DCP2: variants seen among roughly 807,000 people sequenced by gnomAD.
The protein encoded by DCP2 is decapping mRNA 2, also known as m7GpppN-mRNA hydrolase.
DCP2 carries 30 observed loss-of-function variants against 56.1 expected under a neutral mutation model. The observed-to-expected ratio is 0.53, with a 90% CI of 0.40 to 0.73. The LOEUF is 0.73. DCP2 is among the 30% of genes least tolerant of loss of function. DCP2 has a pLI of 0.00. For synonymous variants in DCP2, 197 were observed against 163.3 expected (o/e 1.21, Z -1.57); for missense variants, 533 against 502.7 (o/e 1.06, Z -0.58).
At chr5:112,987,585 T>A (rs989483944) in intron 2 of DCP2, among the ~76,000 whole-genome samples, 12 of 147,822 alleles carry the variant, frequency 8.1e-5, no homozygotes, top group African/African-American at 3.0e-4. Flanking sequence ...CCTGAGTAGC[T>A]GGGACTACAG....
chr5:113,013,600 T>C lies in DCP2; in HGVS notation c.*116T>C, dbSNP rs6892784. The C allele has an allele frequency of 0.19, 236,128 of 1,232,448 alleles. 23,913 individuals are homozygous for C. Among genetic ancestry groups the C allele is most frequent in the Non-Finnish European group, 0.22 (190,957 of 884,748 alleles). 76.3% of individuals were successfully genotyped at this position (1,232,448 alleles called of 1,614,324 possible). ...TAAAGAAATGCAGGGAGGCAATGTT[T>C]CTGAAGACATTTTCTGTTTATAAGA... On this transcript the variant is annotated 3_prime_UTR_variant, in exon 11 of 11. Transcript: ENST00000389063.
In DCP2 at chr5:112,998,398, C is replaced by T. The variant is rs1051738829; in HGVS notation, c.433-2686C>T. Reference sequence around the variant, plus strand: ...GGCTGCTGTCCATAACCAAAGAAGACCATCCCCCAACTCTCAAAGACGTCT... The same window carrying T: ...GGCTGCTGTCCATAACCAAAGAAGATCATCCCCCAACTCTCAAAGACGTCT... On this transcript the variant is annotated intron_variant, in intron 4 of 10. Coordinates refer to ENST00000389063, the MANE Select transcript of DCP2 (RefSeq NM_152624.6). 3.9e-5 allele frequency among the ~76,000 whole-genome samples: 6 copies of T among 152,192 alleles called. No individual in the cohort carries two copies. In the East Asian group the frequency reaches 5.8e-4, roughly 15 times the overall value.
chr5:113,006,864 G>T (rs1749462273), intron 8 of DCP2, among the ~76,000 whole-genome samples: 1 of 152,114 alleles, frequency 6.6e-6, no homozygotes, highest in African/African-American at 2.4e-5. Context: ...CGGGAACGTT[G>T]GCTCACACCT....
chr5:112,991,433 C>T (rs528584888), intron 2 of DCP2, among the ~76,000 whole-genome samples: 3 of 152,182 alleles, frequency 2.0e-5, no homozygotes, highest in Admixed American at 6.5e-5. Flanking sequence ...TTACACTGCC[C>T]AGTTTTGGGG....
In DCP2 at chr5:113,020,313, A is replaced by G. The variant is rs956850443; in HGVS notation, c.*6829A>G. The G allele has an allele frequency of 2.0e-5, 3 of 152,168 alleles. No individual in the cohort carries two copies. The highest frequency in any genetic ancestry group is 4.4e-5 in the Non-Finnish European group (3 of 68,016). 9.4% of individuals were successfully genotyped at this position (152,168 alleles called of 1,614,324 possible). A position where few individuals can be genotyped will look rare whatever the true frequency, so the allele number is the denominator to read the frequency against. ...ATGATTCAACCTTTAATTTTTGCCT[A>G]GATTATAGCAATGTTTTGTTTTACC... On this transcript the variant is annotated 3_prime_UTR_variant, in exon 11 of 11. Transcript: ENST00000389063.
chr5:112,999,204 T>G (rs1383656880), intron 4 of DCP2, among the ~76,000 whole-genome samples: 1 of 152,232 alleles, frequency 6.6e-6, no homozygotes, highest in African/African-American at 2.4e-5. Context: ...ATTATGCAGA[T>G]TCATATGACT....
At chr5:112,994,899 C>T (rs1450374749) in intron 4 of DCP2, among the ~76,000 whole-genome samples, 2 of 152,130 alleles carry the variant, frequency 1.3e-5, no homozygotes, top group African/African-American at 4.8e-5. Flanking sequence ...GAATTTAAGA[C>T]TGTTTGAAAT....
rs1561700564 is a variant in DCP2, at chr5:113,003,959, A to G, written c.824A>G (p.His275Arg). 1 of 1,614,154 alleles carries G rather than the reference A, an allele frequency of 6.2e-7. No individual in the cohort carries two copies. Among genetic ancestry groups the G allele is most frequent in the Non-Finnish European group, 8.5e-7 (1 of 1,180,008 alleles). Reference sequence around the variant, plus strand: ...TGGTGTAGTCGAACCAAATTCCGCCACAGTCAGCAGTTATTTCCTGACGGT... The same window carrying G: ...TGGTGTAGTCGAACCAAATTCCGCCGCAGTCAGCAGTTATTTCCTGACGGT... ...VEKLSRTKFR[H>R]SQQLFPDGSP... Residue 275 changes from histidine (H) to arginine (R), a missense_variant, in exon 8 of 11, where the codon CAC becomes CGC. Physicochemically the swap from His to Arg is conservative, Grantham distance 29. Transcript: ENST00000389063.
intron 4 of DCP2, among the ~76,000 whole-genome samples, chr5:112,994,006 A>G (rs972102931): frequency 6.6e-6 from 1 of 151,828 alleles, no homozygotes; most frequent in Non-Finnish European, 1.5e-5. Context: ...TATGTTGCCC[A>G]GGCTGGGTTT....
At chr5:112,979,311 C>T (rs545547276) in intron 1 of DCP2, among the ~76,000 whole-genome samples, 237 of 152,208 alleles carry the variant, frequency 1.6e-3, no homozygotes, top group Non-Finnish European at 2.9e-3. Flanking sequence ...AAATAAATGC[C>T]ATTTTCAAGT....
At chr5:112,989,514 G>A (rs1184056560) in intron 2 of DCP2, among the ~76,000 whole-genome samples, 1 of 152,038 alleles carries the variant, frequency 6.6e-6, no homozygotes, top group African/African-American at 2.4e-5. Context: ...AATGAAAAAA[G>A]TTACTGTATT....
intron 8 of DCP2, among the ~76,000 whole-genome samples, chr5:113,007,391 T>A (rs1462744257): frequency 2.0e-5 from 3 of 148,950 alleles, no homozygotes; most frequent in African/African-American, 7.5e-5. Context: ...TTTCTTTCTT[T>A]CTTTCTTTCT....
In DCP2 at chr5:112,987,054, A is replaced by G. The variant is rs910312661; in HGVS notation, c.205+1068A>G. Among the ~76,000 whole-genome samples the G allele has an allele frequency of 6.6e-5, 10 of 152,224 alleles. No homozygotes were observed. The South Asian group carries it at 1.0e-3, about 16-fold the overall frequency. The stretch of plus-strand genomic sequence containing the variant: ...CAGAGAAGCTTCTTTCCCCATGTAC[A>G]TATCAGGCAGAAACTTGTCGTGATT... On this transcript the variant is annotated intron_variant, in intron 2 of 10. Coordinates refer to ENST00000389063, the MANE Select transcript of DCP2 (RefSeq NM_152624.6).
intron 1 of DCP2, among the ~76,000 whole-genome samples, chr5:112,977,344 C>CT (rs1405579530): frequency 2.6e-5 from 4 of 152,200 alleles, no homozygotes; most frequent in African/African-American, 9.6e-5. Context: ...GCCTCTGTGA[C>CT]TTTTCCACGC....
In DCP2 at chr5:113,018,226, C is replaced by CT. The variant is rs1482603899; in HGVS notation, c.*4744dup. On this transcript the variant is annotated 3_prime_UTR_variant, in exon 11 of 11. Coordinates refer to ENST00000389063, the MANE Select transcript of DCP2 (RefSeq NM_152624.6). Reference sequence around the variant, plus strand: ...AGTTACTCTTATGCATGGGAGTGGGCTTAAAGGGTTGACTTCCACCAGCTG... The same window carrying CT: ...AGTTACTCTTATGCATGGGAGTGGGCTTTAAAGGGTTGACTTCCACCAGCTG... 1 of 152,110 alleles carries CT rather than the reference C, an allele frequency of 6.6e-6. No individual in the cohort carries two copies. Among genetic ancestry groups the CT allele is most frequent in the African/African-American group, 2.4e-5 (1 of 41,436 alleles). 9.4% of individuals were successfully genotyped at this position (152,110 alleles called of 1,614,324 possible). A position where few individuals can be genotyped will look rare whatever the true frequency, so the allele number is the denominator to read the frequency against.
chr5:112,977,212 G>C (rs1315615333), intron 1 of DCP2, among the ~76,000 whole-genome samples: 2 of 152,066 alleles, frequency 1.3e-5, no homozygotes, highest in African/African-American at 4.8e-5. Context: ...AGAACACCCG[G>C]AATTTCCTCA....
At position 113,019,181 on chromosome 5, in the gene DCP2, T is replaced by A; in HGVS notation, c.*5697T>A. 1 of 152,234 alleles carries A rather than the reference T, an allele frequency of 6.6e-6. No individual in the cohort carries two copies. Among genetic ancestry groups the A allele is most frequent in the East Asian group, 1.9e-4 (1 of 5,208 alleles). 9.4% of individuals were successfully genotyped at this position (152,234 alleles called of 1,614,324 possible). Reference sequence around the variant, plus strand: ...AGCACAAGTCTGCATTGTCATTTTTTAAGAGATTGGCAGGCATATCCTTTT... The same window carrying A: ...AGCACAAGTCTGCATTGTCATTTTTAAAGAGATTGGCAGGCATATCCTTTT... On this transcript the variant is annotated 3_prime_UTR_variant, in exon 11 of 11. Coordinates refer to ENST00000389063, the MANE Select transcript of DCP2 (RefSeq NM_152624.6).
chr5:113,000,926 T>C (rs1749147761), intron 4 of DCP2, among the ~76,000 whole-genome samples, 158 bp from the exon 5 acceptor site: 1 of 152,188 alleles, frequency 6.6e-6, no homozygotes, highest in Non-Finnish European at 1.5e-5. Flanking sequence ...GAACTTTTTT[T>C]ACATCTCATA....
chr5:112,977,698 C>T (rs898365238), intron 1 of DCP2, among the ~76,000 whole-genome samples: 2 of 152,074 alleles, frequency 1.3e-5, no homozygotes, highest in Non-Finnish European at 2.9e-5. Flanking sequence ...GCATTCTTCC[C>T]CCTTGTCAAC....
Sources: allele counts gnomAD v4.1 joint callset (sites outside exome capture counted in the v4.1 genomes callset), GRCh38; gene constraint gnomAD v4.1.1; transcripts MANE v1.5; gene names NCBI Gene and HGNC (gene_info 2026-07-23, HGNC 2026-07-21).